Variants in ZNF362 observed in about 807,000 individuals in gnomAD.
The protein encoded by ZNF362 is rotund homolog.
A neutral mutation model predicts 42.9 loss-of-function variants in ZNF362; 11 were observed. The observed-to-expected ratio is 0.26, with a 90% CI of 0.16 to 0.42. The LOEUF (loss-of-function observed/expected upper bound fraction) is 0.42. Among genes scored for constraint, ZNF362 ranks in the 20% least tolerant of loss-of-function variants. The probability of loss-of-function intolerance (pLI) is 1.00; values close to 1 mark genes in which losing one functional copy is unlikely to be tolerated. For missense variants in ZNF362, 362 were observed against 576.2 expected (o/e 0.63, Z 3.81); for synonymous variants, 255 against 257.3 (o/e 0.99, Z 0.09).
chr1:33,134,696 T>C, the ZNF362 span, among the ~76,000 whole-genome samples: 3 of 152,214 alleles, frequency 2.0e-5, no homozygotes, highest in South Asian at 6.2e-4. Flanking sequence ...TTTCTCTTGG[T>C]GCTAGGAGTA....
intron 1 of ZNF362, among the ~76,000 whole-genome samples, chr1:33,257,290 A>C (rs1237488737): frequency 6.7e-6 from 1 of 149,434 alleles, no homozygotes; most frequent in Non-Finnish European, 1.5e-5. Flanking sequence ...CCTTTCGGGG[A>C]GGTGAGACAC....
chr1:33,279,296 A>G (rs1645973387), intron 4 of ZNF362, among the ~76,000 whole-genome samples: 1 of 152,148 alleles, frequency 6.6e-6, no homozygotes, highest in Non-Finnish European at 1.5e-5. Context: ...AAGTGCTGGG[A>G]TTACAAGCGT....
chr1:33,236,550 A>AAAAAAAAAAAAAAAAAAT, the ZNF362 span, among the ~76,000 whole-genome samples: 3 of 5,972 alleles, frequency 5.0e-4, 1 homozygote, highest in African/African-American at 3.9e-4. Flanking sequence ...AAAAAAAAAA[A>AAAAAAAAAAAAAAAAAAT]ATATATATAT....
intron 1 of ZNF362, among the ~76,000 whole-genome samples, chr1:33,269,203 C>T (rs1645884770): frequency 6.6e-6 from 1 of 152,336 alleles, no homozygotes; most frequent in Middle Eastern, 3.4e-3. Context: ...CCCCCTGCCC[C>T]ATGCCTCTGG....
upstream of ZNF362, among the ~76,000 whole-genome samples, chr1:33,252,963 A>T (rs1645769006): frequency 6.6e-6 from 1 of 151,994 alleles, no homozygotes; most frequent in African/African-American, 2.4e-5. Flanking sequence ...ATTCCGATGC[A>T]TCGTGATGAG....
the ZNF362 span, among the ~76,000 whole-genome samples, chr1:33,236,550 A>ATATATATATAT: frequency 3.4e-4 from 2 of 5,970 alleles, no homozygotes; most frequent in Non-Finnish European, 3.7e-4. Context: ...AAAAAAAAAA[A>ATATATATATAT]ATATATATAT....
chr1:33,208,397 G>A, the ZNF362 span, among the ~76,000 whole-genome samples: 71 of 152,246 alleles, frequency 4.7e-4, no homozygotes, highest in South Asian at 6.4e-3. Flanking sequence ...GCTTAGAATC[G>A]TCTTGGCTCT....
At chr1:33,240,932 A>G in the ZNF362 span, among the ~76,000 whole-genome samples, 1 of 152,214 alleles carries the variant, frequency 6.6e-6, no homozygotes, top group Non-Finnish European at 1.5e-5. Flanking sequence ...AGGGTGTGAC[A>G]GTGGAAAGAC....
the ZNF362 span, among the ~76,000 whole-genome samples, chr1:33,157,804 T>C: frequency 2.0e-5 from 3 of 152,052 alleles, no homozygotes; most frequent in African/African-American, 7.2e-5. Context: ...TTGCCCAGGC[T>C]GGAGTGCAGT....
chr1:33,150,850 C>T, the ZNF362 span, among the ~76,000 whole-genome samples: 19 of 152,264 alleles, frequency 1.2e-4, no homozygotes, highest in African/African-American at 4.3e-4. Flanking sequence ...GTGGATCACA[C>T]TCAGGTGTGA....
rs768361109 is a variant in ZNF362 at position 33,280,349 on chromosome 1, G to C, written c.575G>C (p.Arg192Pro). 1 of 1,613,894 alleles carries C rather than the reference G, an allele frequency of 6.2e-7. No individual in the cohort carries two copies. The highest frequency in any genetic ancestry group is 8.5e-7 in the Non-Finnish European group (1 of 1,179,962). Residue 192 changes from arginine to proline, a missense_variant, in exon 5 of 9, where the codon CGC (arginine) becomes CCC (proline). Arg to Pro is a moderately radical substitution (Grantham distance 103). Coordinates refer to ENST00000539719, the MANE Select transcript of ZNF362 (RefSeq NM_152493.3). The surrounding 1 kb of genome is among the most constrained non-coding windows in gnomAD (Gnocchi z 5.6). The part of the protein sequence containing the change: ...HGLLGPPKSE[R>P]GRKKIKAENP... ...CTGCTTGGCCCCCCCAAGTCCGAAC[G>C]CGGCCGCAAAAAGATCAAGGCGGAG...
intron 6 of ZNF362, among the ~76,000 whole-genome samples, chr1:33,284,270 T>C (rs1306506919): frequency 6.6e-6 from 1 of 152,242 alleles, no homozygotes; most frequent in Non-Finnish European, 1.5e-5. Context: ...ATTCCCACTT[T>C]TGAAGTGCAG....
chr1:33,254,750 T>C (rs1645776376), upstream of ZNF362, among the ~76,000 whole-genome samples: 1 of 152,148 alleles, frequency 6.6e-6, no homozygotes, highest in South Asian at 2.1e-4. Context: ...ATTGTGCGCT[T>C]GGGGAGGACG....
chr1:33,243,601 T>C, the ZNF362 span, among the ~76,000 whole-genome samples: 1 of 151,786 alleles, frequency 6.6e-6, no homozygotes, highest in South Asian at 2.1e-4. Context: ...GTATTTTCTT[T>C]TCTTTTTTTT....
the ZNF362 span, among the ~76,000 whole-genome samples, chr1:33,161,771 C>T: frequency 2.2e-3 from 334 of 152,304 alleles, 2 homozygotes; most frequent in Non-Finnish European, 4.0e-3. This position sits in a 1 kb window ranked among gnomAD's most constrained non-coding sequence, Gnocchi z 4.3. Context: ...AGCTACTCCT[C>T]TGGCTCCTCC....
At chr1:33,158,882 C>T in the ZNF362 span, among the ~76,000 whole-genome samples, 7 of 151,768 alleles carry the variant, frequency 4.6e-5, no homozygotes, top group African/African-American at 1.7e-4. Flanking sequence ...CTCTTATTGC[C>T]CAGGCTGAAG....
upstream of ZNF362, among the ~76,000 whole-genome samples, chr1:33,256,253 C>G (rs1411935365): frequency 7.0e-6 from 1 of 143,258 alleles, no homozygotes; most frequent in Non-Finnish European, 1.5e-5. Flanking sequence ...CGCGGCCCGC[C>G]CCCGCCCCCC....
chr1:33,185,144 A>G, the ZNF362 span, among the ~76,000 whole-genome samples: 1 of 152,116 alleles, frequency 6.6e-6, no homozygotes, highest in African/African-American at 2.4e-5. Context: ...AAATCCTTTC[A>G]GTAGATAGTC....
the ZNF362 span, chr1:33,160,039 G>C: frequency 6.8e-7 from 1 of 1,462,410 alleles, no homozygotes; most frequent in Admixed American, 2.0e-5. Context: ...CACACAGAGA[G>C]GAAAGGGTGG....
Sources: gnomAD v4.1 joint callset for allele counts (sites outside exome capture counted in the v4.1 genomes callset) on GRCh38, gnomAD v4.1.1 for gene constraint, Gnocchi (gnomAD v3.1) non-coding constraint, MANE v1.5 for transcripts, NCBI Gene and HGNC (gene_info 2026-07-23, HGNC 2026-07-21) for gene names.